Variants in IMMP2L observed in about 807,000 individuals in gnomAD.
The protein encoded by IMMP2L is inner mitochondrial membrane peptidase subunit 2, also known as mitochondrial inner membrane protease subunit 2.
Under a neutral mutation model 19.3 loss-of-function variants are expected in IMMP2L, and 18 were observed. The observed-to-expected ratio is 0.93, with a 90% CI of 0.64 to 1.38. The LOEUF is 1.38. Among genes scored for constraint, IMMP2L ranks in the 40% most tolerant of loss-of-function variants. IMMP2L has a pLI of 0.00. For synonymous variants in IMMP2L, 76 were observed against 73.0 expected (o/e 1.04, Z -0.21); for missense variants, 233 against 218.2 (o/e 1.07, Z -0.43).
At chr7:111,482,058 G>C (rs979006506) in intron 3 of IMMP2L, among the ~76,000 whole-genome samples, 3 of 152,134 alleles carry the variant, frequency 2.0e-5, no homozygotes, top group African/African-American at 4.8e-5. Context: ...AGAGGAAAAA[G>C]AAACAGGTAG....
intron 3 of IMMP2L, among the ~76,000 whole-genome samples, chr7:111,242,228 G>C (rs1815158879): frequency 6.6e-6 from 1 of 152,056 alleles, no homozygotes; most frequent in Non-Finnish European, 1.5e-5. Flanking sequence ...TCAGTGATCA[G>C]TCAGTTCAGT....
At chr7:111,362,986 T>C (rs941269925) in intron 3 of IMMP2L, among the ~76,000 whole-genome samples, 1 of 152,090 alleles carries the variant, frequency 6.6e-6, no homozygotes, top group African/African-American at 2.4e-5. Context: ...AAATCAACTA[T>C]GTGCAACCTT....
chr7:110,889,496 G>C (rs1388234443), intron 4 of IMMP2L, among the ~76,000 whole-genome samples: 3 of 152,116 alleles, frequency 2.0e-5, no homozygotes, highest in African/African-American at 7.2e-5. Flanking sequence ...CACTGATTTG[G>C]CACGAGGCGG....
At chr7:111,251,144 A>G (rs1175134599) in intron 3 of IMMP2L, among the ~76,000 whole-genome samples, 1 of 152,216 alleles carries the variant, frequency 6.6e-6, no homozygotes, top group Non-Finnish European at 1.5e-5. Context: ...AAACATATGA[A>G]AAAAGCTCAA....
intron 3 of IMMP2L, among the ~76,000 whole-genome samples, chr7:111,465,840 A>G (rs1840601132): frequency 6.6e-6 from 1 of 152,166 alleles, no homozygotes; most frequent in Non-Finnish European, 1.5e-5. Context: ...TACCCAAAGG[A>G]TTATAAATCA....
At chr7:111,063,265 AGC>A (rs1457822062) in intron 3 of IMMP2L, among the ~76,000 whole-genome samples, 1 of 152,228 alleles carries the variant, frequency 6.6e-6, no homozygotes, top group African/African-American at 2.4e-5. Flanking sequence ...CTAAAGCCAC[AGC>A]CCAAGCTGTA....
rs574012729 is a variant in IMMP2L at position 111,059,923 on chromosome 7, G to A, written c.240-96358C>T. 4.4e-4 allele frequency among the ~76,000 whole-genome samples: 61 copies of A among 138,068 alleles called. 1 individual carries two copies. The highest frequency in any genetic ancestry group is 1.4e-3 in the African/African-American group (48 of 34,838). 90.6% of individuals were successfully genotyped at this position (138,068 alleles called of 152,430 possible). ...ACTTAAAAATTATATGCCTAATTGT[G>A]AAAAAAAAAAAAGAAAAAAAAAGAA... On this transcript the variant is annotated intron_variant, in intron 3 of 5. Transcript: ENST00000405709.
intron 4 of IMMP2L, among the ~76,000 whole-genome samples, chr7:110,920,616 C>T (rs2129550409): frequency 6.6e-6 from 1 of 152,112 alleles, no homozygotes; most frequent in East Asian, 1.9e-4. Context: ...TGTGTTTCTA[C>T]ATTTTTGAAA....
At chr7:111,093,172 G>A (rs1360090740) in intron 3 of IMMP2L, among the ~76,000 whole-genome samples, 2 of 152,150 alleles carry the variant, frequency 1.3e-5, no homozygotes, top group Admixed American at 6.6e-5. Flanking sequence ...TCTGTAAGAT[G>A]AACAAGTTTA....
At chr7:111,267,566 A>G (rs1410784239) in intron 3 of IMMP2L, among the ~76,000 whole-genome samples, 2 of 152,146 alleles carry the variant, frequency 1.3e-5, no homozygotes, top group Non-Finnish European at 2.9e-5. Flanking sequence ...AGAGGCCAGA[A>G]GCTCAGATTT....
At chr7:111,193,907 C>A (rs1409500290) in intron 3 of IMMP2L, among the ~76,000 whole-genome samples, 3 of 152,092 alleles carry the variant, frequency 2.0e-5, no homozygotes, top group Non-Finnish European at 4.4e-5. Flanking sequence ...CATCAATTGA[C>A]CTTACATCTC....
intron 5 of IMMP2L, among the ~76,000 whole-genome samples, chr7:110,800,692 A>G (rs949241098): frequency 1.3e-5 from 2 of 152,074 alleles, no homozygotes; most frequent in African/African-American, 4.8e-5. Flanking sequence ...TTATCACAGC[A>G]TTTTTATTCA....
chr7:111,059,154 T>G (rs1463235484), intron 3 of IMMP2L, among the ~76,000 whole-genome samples: 2 of 152,026 alleles, frequency 1.3e-5, no homozygotes, highest in Non-Finnish European at 2.9e-5. Context: ...AGCTAATTTT[T>G]TATATTTTCA....
At chr7:111,272,400 T>A (rs770584454) in intron 3 of IMMP2L, among the ~76,000 whole-genome samples, 48 of 152,240 alleles carry the variant, frequency 3.2e-4, no homozygotes, top group Non-Finnish European at 6.0e-4. Flanking sequence ...AATAAATAAA[T>A]CACTACTATA....
At position 111,466,519 on chromosome 7, in the gene IMMP2L, C is replaced by A. The variant is rs144005080; in HGVS notation, c.239+20719G>T. Among the ~76,000 whole-genome samples the A allele has an allele frequency of 6.3e-3, 959 of 152,160 alleles. 11 individuals are homozygous for A. Among genetic ancestry groups the A allele is most frequent in the African/African-American group, 0.02 (845 of 41,522 alleles). ...CCTTACTTGGCTTAGCAGAAATATACCTCAGTTACGATAACTATAATGAAC... is the reference window on the plus strand; with the variant it reads ...CCTTACTTGGCTTAGCAGAAATATAACTCAGTTACGATAACTATAATGAAC... On this transcript the variant is annotated intron_variant, in intron 3 of 5. Transcript: ENST00000405709.
At chr7:111,053,296 C>A (rs1200837472) in intron 3 of IMMP2L, among the ~76,000 whole-genome samples, 1 of 152,210 alleles carries the variant, frequency 6.6e-6, no homozygotes, top group African/African-American at 2.4e-5. Flanking sequence ...GGGCTGTCCA[C>A]ATGTGCAGTG....
Position 111,517,348 on chromosome 7 carries a change from T to G in IMMP2L, c.135+3965A>C, listed in dbSNP as rs146791073. ...TTATCTCTAAGGTCTGACCTAGAGA[T>G]ACAGTATTGTGTAGCAGTGTTTTCA... On this transcript the variant is annotated intron_variant, in intron 2 of 5. Transcript: ENST00000405709. Among the ~76,000 whole-genome samples, 85 of 151,968 alleles carry G rather than the reference T, an allele frequency of 5.6e-4. 2 individuals are homozygous for G. The highest frequency in any genetic ancestry group is 1.9e-3 in the African/African-American group (79 of 41,468).
chr7:111,162,851 A>T (rs1167764663), intron 3 of IMMP2L, among the ~76,000 whole-genome samples: 1 of 151,870 alleles, frequency 6.6e-6, no homozygotes, highest in Non-Finnish European at 1.5e-5. Flanking sequence ...CACCAACATA[A>T]ACACTAAGAG....
intron 5 of IMMP2L, among the ~76,000 whole-genome samples, chr7:110,743,874 A>G (rs1281124954): frequency 6.6e-6 from 1 of 150,568 alleles, no homozygotes; most frequent in African/African-American, 2.4e-5. Flanking sequence ...TTTTTTTTTC[A>G]TGTCACAGTG....
Sources: allele counts gnomAD v4.1 joint callset (sites outside exome capture counted in the v4.1 genomes callset), GRCh38; gene constraint gnomAD v4.1.1; transcripts MANE v1.5; gene names NCBI Gene and HGNC (gene_info 2026-07-23, HGNC 2026-07-21).